The following PTPRD variants were observed in gnomAD, a reference collection of about 807,000 sequenced individuals.
PTPRD encodes protein tyrosine phosphatase receptor type D.
A neutral mutation model predicts 214.5 loss-of-function variants in PTPRD; 34 were observed. That is an observed-to-expected ratio of 0.16 (90% CI 0.12 to 0.21). The LOEUF (loss-of-function observed/expected upper bound fraction) is 0.21, where lower values mean the gene tolerates loss of function less well. PTPRD is among the 10% of genes least tolerant of loss of function. PTPRD has a pLI of 1.00. For synonymous variants in PTPRD, 1,128 were observed against 845.7 expected (o/e 1.33, Z -5.79); for missense variants, 2,545 against 2,398.7 (o/e 1.06, Z -1.27).
intron 33 of PTPRD, among the ~76,000 whole-genome samples, chr9:8,450,860 T>C (rs1414903746): frequency 6.6e-6 from 1 of 152,170 alleles, no homozygotes; most frequent in African/African-American, 2.4e-5. Flanking sequence ...TTCCAAATAC[T>C]AACGCCTGCA....
chr9:8,669,019 G>A (rs760448859), intron 12 of PTPRD, among the ~76,000 whole-genome samples: 1 of 152,070 alleles, frequency 6.6e-6, no homozygotes, highest in Non-Finnish European at 1.5e-5. Flanking sequence ...GAACAGCTTT[G>A]TGGGGAGTTC....
chr9:10,598,845 TAAAG>T (rs919922334), intron 2 of PTPRD, among the ~76,000 whole-genome samples: 2 of 151,394 alleles, frequency 1.3e-5, no homozygotes, highest in Non-Finnish European at 3.0e-5. Context: ...GTAGATGATA[TAAAG>T]AAAGGAAGAG....
chr9:10,505,123 C>T (rs1196549006), intron 2 of PTPRD, among the ~76,000 whole-genome samples: 3 of 152,156 alleles, frequency 2.0e-5, no homozygotes, highest in Non-Finnish European at 2.9e-5. Flanking sequence ...GCTTCAAGTT[C>T]GGGTAGCAAG....
intron 5 of PTPRD, among the ~76,000 whole-genome samples, chr9:9,838,308 G>A (rs2057381890): frequency 6.6e-6 from 1 of 152,076 alleles, no homozygotes; most frequent in East Asian, 1.9e-4. Flanking sequence ...TGGGTCAAAT[G>A]GTATTTCTAG....
At chr9:9,570,823 A>C (rs1262489388) in intron 8 of PTPRD, among the ~76,000 whole-genome samples, 1 of 151,584 alleles carries the variant, frequency 6.6e-6, no homozygotes, top group Non-Finnish European at 1.5e-5. Flanking sequence ...ATCTTCTGAA[A>C]CAAATCCCAA....
chr9:9,934,195 A>C (rs1158002687), intron 5 of PTPRD, among the ~76,000 whole-genome samples: 1 of 148,314 alleles, frequency 6.7e-6, no homozygotes, highest in Non-Finnish European at 1.5e-5. Context: ...AAACACATTC[A>C]AAAGCTAGCA....
intron 11 of PTPRD, among the ~76,000 whole-genome samples, chr9:8,839,142 T>C (rs1485203152): frequency 6.6e-6 from 1 of 152,048 alleles, no homozygotes; most frequent in Non-Finnish European, 1.5e-5. Context: ...AATATAGAGA[T>C]TTAATTCATA....
rs548062681 is a variant in PTPRD at position 8,333,734 on chromosome 9, C to A, written c.5380-1998G>T. Reference sequence around the variant, plus strand: ...ACCTTAAATGTACATGGACTAAATGCCCCAATTAAAAGACACGGACTGGCC... The same window carrying A: ...ACCTTAAATGTACATGGACTAAATGACCCAATTAAAAGACACGGACTGGCC... On this transcript the variant is annotated intron_variant, in intron 43 of 45. Coordinates refer to ENST00000381196, the MANE Select transcript of PTPRD (RefSeq NM_002839.4). 7.9e-5 allele frequency among the ~76,000 whole-genome samples: 12 copies of A among 152,138 alleles called. No homozygotes were observed. The East Asian group carries it at 2.3e-3, about 29-fold the overall frequency.
At chr9:9,177,041 G>A (rs1330526128) in intron 10 of PTPRD, among the ~76,000 whole-genome samples, 3 of 152,082 alleles carry the variant, frequency 2.0e-5, no homozygotes, top group Admixed American at 6.6e-5. Flanking sequence ...CTGCTATAAA[G>A]AACTGCCCAA....
At chr9:8,565,410 A>T (rs563918982) in intron 14 of PTPRD, among the ~76,000 whole-genome samples, 1 of 152,222 alleles carries the variant, frequency 6.6e-6, no homozygotes, top group Non-Finnish European at 1.5e-5. Context: ...AAAGGATAAC[A>T]TTCATTTGTT....
Position 8,317,805 on chromosome 9 carries a change from T to G in PTPRD, c.*69A>C. 1.4e-6 allele frequency: 2 copies of G among 1,436,620 alleles called. No individual in the cohort carries two copies. 89.0% of individuals were successfully genotyped at this position (1,436,620 alleles called of 1,614,324 possible). A position where few individuals can be genotyped will look rare whatever the true frequency, so the allele number is the denominator to read the frequency against. On this transcript the variant is annotated 3_prime_UTR_variant, in exon 46 of 46. Coordinates refer to ENST00000381196, the MANE Select transcript of PTPRD (RefSeq NM_002839.4). ...TAAGAAGGACTTCTCAAGTGCCCTGTATGGCTCAGAAGAGACTCCATGGAT... is the reference window on the plus strand; with the variant it reads ...TAAGAAGGACTTCTCAAGTGCCCTGGATGGCTCAGAAGAGACTCCATGGAT...
intron 3 of PTPRD, among the ~76,000 whole-genome samples, chr9:10,297,989 A>G (rs1450573019): frequency 6.6e-6 from 1 of 152,152 alleles, no homozygotes; most frequent in Admixed American, 6.6e-5. Flanking sequence ...TTCTACCTGT[A>G]ATGATCCAAA....
chr9:9,573,108 C>T (rs1021287801), intron 8 of PTPRD, among the ~76,000 whole-genome samples: 1 of 151,562 alleles, frequency 6.6e-6, no homozygotes, highest in Non-Finnish European at 1.5e-5. Context: ...AAGTTACTAT[C>T]AATATTAGAA....
intron 9 of PTPRD, among the ~76,000 whole-genome samples, chr9:9,266,110 C>A: frequency 6.6e-6 from 1 of 151,346 alleles, no homozygotes; most frequent in Non-Finnish European, 1.5e-5. Flanking sequence ...ACAAAATAGA[C>A]TTTAAGTCAA....
At chr9:10,359,386 A>T (rs1443093361) in intron 2 of PTPRD, among the ~76,000 whole-genome samples, 1 of 152,032 alleles carries the variant, frequency 6.6e-6, no homozygotes, top group Non-Finnish European at 1.5e-5. Flanking sequence ...CCAGTTGTAA[A>T]TATTATTACA....
At chr9:8,404,021 G>A (rs969931309) in intron 36 of PTPRD, among the ~76,000 whole-genome samples, 3 of 152,214 alleles carry the variant, frequency 2.0e-5, no homozygotes, top group African/African-American at 4.8e-5. Context: ...AAGGTAATGA[G>A]AGATGCACTT....
intron 2 of PTPRD, among the ~76,000 whole-genome samples, chr9:10,509,580 T>TATATATA (rs1491395020): frequency 5.2e-5 from 7 of 135,056 alleles, no homozygotes; most frequent in East Asian, 2.3e-4. Flanking sequence ...TATATATATA[T>TATATATA]TTTACTCACT....
chr9:8,472,016 T>C (rs1013632481), intron 30 of PTPRD, among the ~76,000 whole-genome samples: 6 of 152,174 alleles, frequency 3.9e-5, no homozygotes, highest in Non-Finnish European at 8.8e-5. Flanking sequence ...AATCTGGTTT[T>C]GTCCTCCTAC....
intron 2 of PTPRD, among the ~76,000 whole-genome samples, chr9:10,391,563 G>C (rs1353177691): frequency 6.6e-6 from 1 of 151,680 alleles, no homozygotes; most frequent in Admixed American, 6.6e-5. Flanking sequence ...ATAGTCAATA[G>C]TAAATCTCTG....
Sources: allele counts gnomAD v4.1 joint callset (sites outside exome capture counted in the v4.1 genomes callset), GRCh38; gene constraint gnomAD v4.1.1; transcripts MANE v1.5; gene names NCBI Gene and HGNC (gene_info 2026-07-23, HGNC 2026-07-21).